SNAP25: variants seen among roughly 807,000 people sequenced by gnomAD.
SNAP25 encodes the protein synaptosomal-associated protein 25.
SNAP25 carries 3 observed loss-of-function variants against 28.7 expected under a neutral mutation model. The observed-to-expected ratio is 0.10, with a 90% CI of 0.05 to 0.27. SNAP25 has a LOEUF of 0.27. Among genes scored for constraint, SNAP25 ranks in the 10% least tolerant of loss-of-function variants. The pLI, the probability that SNAP25 is intolerant of heterozygous loss-of-function variation, is 1.00. For missense variants in SNAP25, 117 were observed against 278.7 expected (o/e 0.42, Z 4.13); for synonymous variants, 61 against 88.1 (o/e 0.69, Z 1.72).
intron 2 of SNAP25, 50 bp downstream of exon 2, chr20:10,275,613 G>A (rs749316642): frequency 6.7e-7 from 1 of 1,494,146 alleles, no homozygotes; most frequent in Non-Finnish European, 9.1e-7. Context: ...GGCCTGAGTG[G>A]TTTGTCTTAT....
intron 1 of SNAP25, among the ~76,000 whole-genome samples, chr20:10,243,850 C>T (rs894069536): frequency 3.9e-5 from 6 of 152,124 alleles, no homozygotes; most frequent in Non-Finnish European, 5.9e-5. Context: ...CAAAGTATGG[C>T]GTGTGTAGAG....
intron 4 of SNAP25, among the ~76,000 whole-genome samples, chr20:10,291,080 T>G (rs769038562): frequency 2.4e-4 from 37 of 152,202 alleles, no homozygotes; most frequent in Non-Finnish European, 4.6e-4. Context: ...TTAATTGTAA[T>G]TTTTATTTTT....
At chr20:10,303,446 T>C (rs1352423764) in intron 7 of SNAP25, among the ~76,000 whole-genome samples, 4 of 152,202 alleles carry the variant, frequency 2.6e-5, no homozygotes, top group African/African-American at 9.6e-5. Flanking sequence ...TGTTTTAACT[T>C]TGCAAATTTC....
chr20:10,291,054 C>G (rs2063987016), intron 4 of SNAP25, among the ~76,000 whole-genome samples: 2 of 152,086 alleles, frequency 1.3e-5, no homozygotes, highest in African/African-American at 4.8e-5. Flanking sequence ...TATATATAGC[C>G]TTTTAAAAAT....
chr20:10,296,795 A>G (rs2064121259), intron 5 of SNAP25, 130 bp from the exon 6 acceptor site: 1 of 1,373,718 alleles, frequency 7.3e-7, no homozygotes, highest in Non-Finnish European at 9.9e-7. Context: ...ATTATGATAT[A>G]TCGGTATTAT....
intron 7 of SNAP25, among the ~76,000 whole-genome samples, chr20:10,302,350 C>G (rs527467193): frequency 1.3e-5 from 2 of 152,342 alleles, no homozygotes; most frequent in Non-Finnish European, 2.9e-5. Flanking sequence ...TGAGAAAACA[C>G]AGCATTTGAG....
intron 4 of SNAP25, among the ~76,000 whole-genome samples, chr20:10,286,970 C>T (rs1032765987): frequency 6.6e-6 from 1 of 152,106 alleles, no homozygotes; most frequent in Admixed American, 6.6e-5. Flanking sequence ...GAGGATGCAG[C>T]AAGTCATTGC....
intron 1 of SNAP25, among the ~76,000 whole-genome samples, chr20:10,240,521 A>T (rs2063008074): frequency 6.6e-6 from 1 of 152,138 alleles, no homozygotes; most frequent in South Asian, 2.1e-4. Context: ...AGGGCACAGA[A>T]ATGCTGGGGG....
At chr20:10,255,588 G>C (rs2063306487) in intron 1 of SNAP25, among the ~76,000 whole-genome samples, 1 of 152,132 alleles carries the variant, frequency 6.6e-6, no homozygotes, top group African/African-American at 2.4e-5. Flanking sequence ...AGCTAATAAA[G>C]AGTACAACTT....
chr20:10,282,448 C>A (rs1332486943), intron 3 of SNAP25, among the ~76,000 whole-genome samples: 1 of 152,172 alleles, frequency 6.6e-6, no homozygotes, highest in East Asian at 1.9e-4. Context: ...TCTGTTCTCC[C>A]AAACTGGGGC....
At chr20:10,299,185 C>G in intron 6 of SNAP25, 83 bp from the exon 7 acceptor site, 1 of 1,486,852 alleles carries the variant, frequency 6.7e-7, no homozygotes, top group South Asian at 1.3e-5. Flanking sequence ...CAGAGGACGA[C>G]AGATTTCCAC....
Position 10,292,696 on chromosome 20 carries a change from G to A in SNAP25, c.164-465G>A, listed in dbSNP as rs145547943. ...TGAATTACAAAGTATTTTGAGCATC[G>A]TTTGGTTTGTTTCTTTCCACCCATA... On this transcript the variant is annotated intron_variant, in intron 4 of 7. Coordinates refer to ENST00000254976, the MANE Select transcript of SNAP25 (RefSeq NM_130811.4). Among the ~76,000 whole-genome samples, 171 of 152,270 alleles carry A rather than the reference G, an allele frequency of 1.1e-3. 2 individuals carry two copies. The highest frequency in any genetic ancestry group is 9.5e-3 in the South Asian group (46 of 4,830).
chr20:10,305,345 C>A (rs1259082954), intron 7 of SNAP25, among the ~76,000 whole-genome samples: 1 of 152,058 alleles, frequency 6.6e-6, no homozygotes, highest in Non-Finnish European at 1.5e-5. Context: ...AGTTTGAGAC[C>A]AGCCTGGGCA....
intron 1 of SNAP25, among the ~76,000 whole-genome samples, chr20:10,235,173 C>T (rs987822296): frequency 2.0e-5 from 3 of 151,824 alleles, no homozygotes; most frequent in East Asian, 1.9e-4. Context: ...TTTGAGGTTG[C>T]GGTGAGCTAC....
chr20:10,273,874 G>A (rs920769041), intron 1 of SNAP25, among the ~76,000 whole-genome samples: 14 of 152,078 alleles, frequency 9.2e-5, no homozygotes, highest in African/African-American at 2.9e-4. Flanking sequence ...CTACCCCATC[G>A]GGCCCTTTGC....
intron 1 of SNAP25, among the ~76,000 whole-genome samples, chr20:10,245,691 TACAC>T (rs34503380): frequency 2.0e-5 from 3 of 150,860 alleles, no homozygotes; most frequent in Admixed American, 6.6e-5. Flanking sequence ...CTTCATCTTA[TACAC>T]ACACACACAC....
chr20:10,293,779 T>G lies in SNAP25; in HGVS notation c.281+501T>G, dbSNP rs1483522099. ...TTCTCCCTTTCTACTGCCCACCAGT[T>G]GCCAAATTTTGTCAATAGATGCTGC... On this transcript the variant is annotated intron_variant, in intron 5 of 7. Coordinates refer to ENST00000254976, the MANE Select transcript of SNAP25 (RefSeq NM_130811.4). This position sits in a 1 kb window ranked among gnomAD's most constrained non-coding sequence, Gnocchi z 5.6. 6.6e-6 allele frequency among the ~76,000 whole-genome samples: 1 copy of G among 152,178 alleles called. No individual in the cohort carries two copies. Among genetic ancestry groups the G allele is most frequent in the Admixed American group, 6.5e-5 (1 of 15,274 alleles).
intron 1 of SNAP25, among the ~76,000 whole-genome samples, chr20:10,267,058 C>T (rs979035752): frequency 6.6e-6 from 1 of 152,104 alleles, no homozygotes; most frequent in Non-Finnish European, 1.5e-5. Context: ...ATATGGACCA[C>T]TTTCAACATA....
At chr20:10,234,801 C>T (rs16991263) in intron 1 of SNAP25, among the ~76,000 whole-genome samples, 21,710 of 152,168 alleles carry the variant, frequency 0.14, 2,926 homozygotes, top group African/African-American at 0.36. Flanking sequence ...GATTTTTGTT[C>T]TTCCCATGGA....
Sources: gnomAD v4.1 joint callset for allele counts (sites outside exome capture counted in the v4.1 genomes callset) on GRCh38, gnomAD v4.1.1 for gene constraint, Gnocchi (gnomAD v3.1) non-coding constraint, MANE v1.5 for transcripts, NCBI Gene and HGNC (gene_info 2026-07-23, HGNC 2026-07-21) for gene names.